Variants in PCDHB11 observed in about 807,000 individuals in gnomAD.
PCDHB11 encodes protocadherin beta 11.
For synonymous variants in PCDHB11, 522 were observed against 442.0 expected (o/e 1.18, Z -2.27); for missense variants, 1,151 against 1,003.4 (o/e 1.15, Z -1.99).
rs782211227 is a variant in PCDHB11, at chr5:141,201,619, C to G, written c.1845C>G (p.Phe615Leu). The G allele has an allele frequency of 3.1e-6, 5 of 1,607,894 alleles. No individual in the cohort carries two copies. In the South Asian group the frequency reaches 3.3e-5, roughly 11 times the overall value. Reference protein sequence around the residue: ...QLLKATEPGLFGVWAHNGEVR... With the variant: ...QLLKATEPGLLGVWAHNGEVR... ...TCAAGGCCACGGAGCCCGGGCTATT[C>G]GGCGTGTGGGCGCACAATGGCGAGG... The change falls in exon 1 of 1, where the codon TTC becomes TTG. Residue 615 changes from phenylalanine (F) to leucine (L), a missense_variant. Transcript: ENST00000354757.
rs1754245458 is a variant in PCDHB11, at chr5:141,203,134, C to T, written c.*966C>T. On this transcript the variant is annotated 3_prime_UTR_variant, in exon 1 of 1. Coordinates refer to ENST00000354757, the MANE Select transcript of PCDHB11 (RefSeq NM_018931.3). ...TGAGACGATGTTTCACTCTTGTCGC[C>T]CAGGCTGGTGTGCAATGGCGTGATC... is the stretch of plus-strand genomic sequence containing the variant. 1 of 152,046 alleles carries T rather than the reference C, an allele frequency of 6.6e-6. No homozygotes were observed. Among genetic ancestry groups the T allele is most frequent in the Non-Finnish European group, 1.5e-5 (1 of 68,028 alleles). 9.4% of individuals were successfully genotyped at this position (152,046 alleles called of 1,614,324 possible). A position where few individuals can be genotyped will look rare whatever the true frequency, so the allele number is the denominator to read the frequency against.
chr5:141,201,450 C>T lies in PCDHB11; in HGVS notation c.1676C>T (p.Pro559Leu), dbSNP rs1754187796. 7 of 1,611,098 alleles carry T rather than the reference C, an allele frequency of 4.3e-6. No individual in the cohort carries two copies. The South Asian group carries it at 7.7e-5, about 18-fold the overall frequency. Residue 559 changes from proline to leucine, a missense_variant, in exon 1 of 1, where the codon CCC (proline) becomes CTC (leucine). Coordinates refer to ENST00000354757, the MANE Select transcript of PCDHB11 (RefSeq NM_018931.3). ...VLVLDANDNS[P>L]FVLYPLQNGS... ...GTGCTGGACGCCAACGACAACTCGC[C>T]CTTCGTGCTGTACCCGCTGCAGAAC...
Position 141,201,083 on chromosome 5 carries a change from A to G in PCDHB11, c.1309A>G (p.Thr437Ala). ...GIPRLKTEHN[T>A]TVLVSDVNDN... ...ACCCAGGCTGAAAACCGAGCACAAC[A>G]CAACTGTGTTGGTCTCTGACGTCAA... is the stretch of plus-strand genomic sequence containing the variant. Residue 437 changes from threonine to alanine, a missense_variant, in exon 1 of 1, where the codon ACA becomes GCA. Coordinates refer to ENST00000354757, the MANE Select transcript of PCDHB11 (RefSeq NM_018931.3). 2 of 1,614,170 alleles carry G rather than the reference A, an allele frequency of 1.2e-6. No individual in the cohort carries two copies. The highest frequency in any genetic ancestry group is 1.1e-5 in the South Asian group (1 of 91,080).
Position 141,202,268 on chromosome 5 carries a change from A to C in PCDHB11, c.*100A>C. 9.1e-7 allele frequency: 1 copy of C among 1,103,904 alleles called. No homozygotes were observed. 68.4% of individuals were successfully genotyped at this position (1,103,904 alleles called of 1,614,324 possible). A position where few individuals can be genotyped will look rare whatever the true frequency, so the allele number is the denominator to read the frequency against. On this transcript the variant is annotated 3_prime_UTR_variant, in exon 1 of 1. Transcript: ENST00000354757. ...AGTTACGTTATTATGCAATACGACT[A>C]ATTGTATTTTTAATTTTTTCTTTTC... is the stretch of plus-strand genomic sequence containing the variant.
Position 141,201,407 on chromosome 5 carries a change from G to A in PCDHB11, c.1633G>A (p.Ala545Thr), listed in dbSNP as rs148710562. ...DRGSPALSSEALVRVLVLDAN... is the reference protein window; with the variant it reads ...DRGSPALSSETLVRVLVLDAN... ...CGGCTCCCCGGCTTTGAGCAGCGAG[G>A]CGCTGGTGCGCGTGCTGGTGCTGGA... The change falls in exon 1 of 1, where the codon GCG (alanine) becomes ACG (threonine). Residue 545 changes from alanine to threonine, a missense_variant. Transcript: ENST00000354757. 4.2e-5 allele frequency: 67 copies of A among 1,611,876 alleles called. No homozygotes were observed. The highest frequency in any genetic ancestry group is 4.0e-4 in the African/African-American group (30 of 74,882).
chr5:141,200,628 CAG>C lies in PCDHB11; in HGVS notation c.856_857del (p.Glu286ArgfsTer7). On this transcript the variant is annotated frameshift_variant, in exon 1 of 1. Coordinates refer to ENST00000354757, the MANE Select transcript of PCDHB11 (RefSeq NM_018931.3). LOFTEE classifies it low-confidence loss of function (END_TRUNC). Reference sequence around the variant, plus strand: ...ATATGCTATACCTTTTCCCATGCCTCAGAAGATATTCGCAAGACATTTGAAAT... The same window carrying C: ...ATATGCTATACCTTTTCCCATGCCTCAAGATATTCGCAAGACATTTGAAAT... 2 of 1,614,156 alleles carry C rather than the reference CAG, an allele frequency of 1.2e-6. No homozygotes were observed. The highest frequency in any genetic ancestry group is 1.7e-6 in the Non-Finnish European group (2 of 1,180,042).
chr5:141,201,667 C>A lies in PCDHB11; in HGVS notation c.1893C>A (p.Ser631Arg), dbSNP rs552981865. 1.2e-6 allele frequency: 2 copies of A among 1,605,576 alleles called. No individual in the cohort carries two copies. The highest frequency in any genetic ancestry group is 2.7e-5 in the African/African-American group (2 of 74,828). Residue 631 changes from serine (S) to arginine (R), a missense_variant, in exon 1 of 1, where the codon AGC becomes AGA. By Grantham distance (110) the Ser-to-Arg change is moderately radical (BLOSUM62 -1). Coordinates refer to ENST00000354757, the MANE Select transcript of PCDHB11 (RefSeq NM_018931.3). Reference protein sequence around the residue: ...NGEVRTARLLSERDAAKHRLV... With the variant: ...NGEVRTARLLRERDAAKHRLV... ...AGGTGCGCACCGCCAGGCTGCTGAGCGAGCGCGACGCGGCCAAGCACAGGC... is the reference window on the plus strand; with the variant it reads ...AGGTGCGCACCGCCAGGCTGCTGAGAGAGCGCGACGCGGCCAAGCACAGGC...
Position 141,200,745 on chromosome 5 carries a change from G to C in PCDHB11, c.971G>C (p.Gly324Ala), listed in dbSNP as rs1437510581. Residue 324 changes from glycine to alanine, a missense_variant, in exon 1 of 1, where the codon GGG becomes GCG. Transcript: ENST00000354757. ...SYSIIIQATD[G>A]GGLFGKSTVI... is the part of the protein sequence containing the mutation. The stretch of plus-strand genomic sequence containing the variant: ...TCAATAATCATTCAAGCCACAGATG[G>C]GGGAGGACTTTTTGGAAAATCTACA... 1.5e-5 allele frequency: 24 copies of C among 1,614,124 alleles called. No homozygotes were observed. Among genetic ancestry groups the C allele is most frequent in the Non-Finnish European group, 1.7e-5 (20 of 1,180,040 alleles).
rs927302532 is a variant in PCDHB11, at chr5:141,203,751, G to T, written c.*1583G>T. On this transcript the variant is annotated 3_prime_UTR_variant, in exon 1 of 1. Transcript: ENST00000354757. Reference sequence around the variant, plus strand: ...TAATCCAAACAAAATGTAATAAACTGCATGAAAATAAATAGGAATATTAAA... The same window carrying T: ...TAATCCAAACAAAATGTAATAAACTTCATGAAAATAAATAGGAATATTAAA... The T allele has an allele frequency of 6.6e-6, 1 of 152,054 alleles. No individual in the cohort carries two copies. Among genetic ancestry groups the T allele is most frequent in the Non-Finnish European group, 1.5e-5 (1 of 68,014 alleles). The allele number at this position is 152,054 out of a possible 1,614,324, so 9.4% of individuals were successfully genotyped here.
rs782701467 is a variant in PCDHB11 at position 141,202,003 on chromosome 5, G to C, written c.2229G>C (p.Gly743=). ...ATCTGGTGGACGTGAGCGGCACCGG[G>C]ACCCTTTCCCAGAGCTACCAGTACG... ...PGHLVDVSGT[G]TLSQSYQYEV... The change falls in exon 1 of 1, where the codon GGG becomes GGC. Residue 743 remains glycine, a synonymous_variant. Transcript: ENST00000354757. 1.2e-6 allele frequency: 2 copies of C among 1,614,190 alleles called. No individual in the cohort carries two copies. Among genetic ancestry groups the C allele is most frequent in the Non-Finnish European group, 1.7e-6 (2 of 1,180,024 alleles).
At position 141,200,730 on chromosome 5, in the gene PCDHB11, T is replaced by C. The variant is rs1554285376; in HGVS notation, c.956T>C (p.Ile319Thr). Reference sequence around the variant, plus strand: ...ACGATTGAGTCATACTCAATAATCATTCAAGCCACAGATGGGGGAGGACTT... The same window carrying C: ...ACGATTGAGTCATACTCAATAATCACTCAAGCCACAGATGGGGGAGGACTT... ...FETIESYSII[I>T]QATDGGGLFG... Residue 319 changes from isoleucine (I) to threonine (T), a missense_variant, in exon 1 of 1, where the codon ATT (isoleucine) becomes ACT (threonine). Transcript: ENST00000354757. The C allele has an allele frequency of 9.9e-6, 16 of 1,613,816 alleles. No individual in the cohort carries two copies. The highest frequency in any genetic ancestry group is 1.4e-5 in the Non-Finnish European group (16 of 1,180,044).
rs116096255 is a variant in PCDHB11 at position 141,202,297 on chromosome 5, C to T, written c.*129C>T. On this transcript the variant is annotated 3_prime_UTR_variant, in exon 1 of 1. Transcript: ENST00000354757. The stretch of plus-strand genomic sequence containing the variant: ...GTATTTTTAATTTTTTCTTTTCTCC[C>T]CCAATTTTTTTTTTTTTTTTGAGAC... The T allele has an allele frequency of 0.012, 11,826 of 979,112 alleles. 139 individuals are homozygous for T. The highest frequency in any genetic ancestry group is 0.026 in the African/African-American group (1,475 of 56,272). The allele number at this position is 979,112 out of a possible 1,614,324, so 60.7% of individuals were successfully genotyped here. A position where few individuals can be genotyped will look rare whatever the true frequency, so the allele number is the denominator to read the frequency against.
chr5:141,201,249 C>G lies in PCDHB11; in HGVS notation c.1475C>G (p.Pro492Arg), dbSNP rs1554285534. The change falls in exon 1 of 1, where the codon CCG becomes CGG. Residue 492 changes from proline (P) to arginine (R), a missense_variant. Transcript: ENST00000354757. Reference sequence around the variant, plus strand: ...GCCCAGGTCAACTACTCGCTACTCCCGCCCCAGGACCTGCACCTGCCCCTC... The same window carrying G: ...GCCCAGGTCAACTACTCGCTACTCCGGCCCCAGGACCTGCACCTGCCCCTC... ...TNAQVNYSLLPPQDLHLPLAS... is the reference protein window; with the variant it reads ...TNAQVNYSLLRPQDLHLPLAS... The G allele has an allele frequency of 1.9e-6, 3 of 1,613,218 alleles. No individual in the cohort carries two copies. Among genetic ancestry groups the G allele is most frequent in the Non-Finnish European group, 2.5e-6 (3 of 1,180,052 alleles).
chr5:141,201,513 C>T lies in PCDHB11; in HGVS notation c.1739C>T (p.Ala580Val). ...TGCACCGAGCTGGTGCCCCGGGCGG[C>T]CGAGCCGGGCTACCTGGTGACCAAG... ...APCTELVPRAAEPGYLVTKVV... is the reference protein window; with the variant it reads ...APCTELVPRAVEPGYLVTKVV... The change falls in exon 1 of 1, where the codon GCC (alanine) becomes GTC (valine). Residue 580 changes from alanine to valine, a missense_variant. Ala to Val is a moderately conservative substitution (Grantham distance 64). Transcript: ENST00000354757. The T allele has an allele frequency of 6.2e-7, 1 of 1,608,696 alleles. No homozygotes were observed. Among genetic ancestry groups the T allele is most frequent in the Non-Finnish European group, 8.5e-7 (1 of 1,178,810 alleles).
Position 141,200,336 on chromosome 5 carries a change from A to C in PCDHB11, c.562A>C (p.Asn188His), listed in dbSNP as rs368527508. 1 of 1,614,026 alleles carries C rather than the reference A, an allele frequency of 6.2e-7. No individual in the cohort carries two copies. Among genetic ancestry groups the C allele is most frequent in the Non-Finnish European group, 8.5e-7 (1 of 1,180,026 alleles). Reference protein sequence around the residue: ...FHIKMRVIPDNRKYPELVLDK... With the variant: ...FHIKMRVIPDHRKYPELVLDK... ...CATTAAAATGAGAGTCATTCCAGAC[A>C]ATAGGAAATACCCCGAGTTAGTTCT... is the stretch of plus-strand genomic sequence containing the variant. The change falls in exon 1 of 1, where the codon AAT becomes CAT. Residue 188 changes from asparagine (N) to histidine (H), a missense_variant. Asn to His is a moderately conservative substitution (Grantham distance 68). Transcript: ENST00000354757.
In PCDHB11 at chr5:141,202,270, T is replaced by C. The variant is rs975383194; in HGVS notation, c.*102T>C. ...TTACGTTATTATGCAATACGACTAA[T>C]TGTATTTTTAATTTTTTCTTTTCTC... is the stretch of plus-strand genomic sequence containing the variant. On this transcript the variant is annotated 3_prime_UTR_variant, in exon 1 of 1. Transcript: ENST00000354757. 3.6e-6 allele frequency: 4 copies of C among 1,117,766 alleles called. No individual in the cohort carries two copies. The African/African-American group carries it at 4.8e-5, about 13-fold the overall frequency. The allele number at this position is 1,117,766 out of a possible 1,614,324, so 69.2% of individuals were successfully genotyped here.
chr5:141,200,811 A>C lies in PCDHB11; in HGVS notation c.1037A>C (p.Glu346Ala), dbSNP rs1334838565. ...HVIDVNDNAP[E>A]ITVSSITSPI... is the part of the protein sequence containing the mutation. ...ATAGATGTAAATGACAATGCTCCTG[A>C]AATCACTGTGTCATCAATTACCAGT... Residue 346 changes from glutamate (E) to alanine (A), a missense_variant, in exon 1 of 1, where the codon GAA becomes GCA. Physicochemically the swap from Glu to Ala is moderately radical, Grantham distance 107. Coordinates refer to ENST00000354757, the MANE Select transcript of PCDHB11 (RefSeq NM_018931.3). 7.4e-6 allele frequency: 12 copies of C among 1,614,110 alleles called. No homozygotes were observed. Among genetic ancestry groups the C allele is most frequent in the Non-Finnish European group, 9.3e-6 (11 of 1,180,042 alleles).
Position 141,201,854 on chromosome 5 carries a change from T to C in PCDHB11, c.2080T>C (p.Leu694=). The part of the protein sequence containing the change: ...DSLTVYLVVA[L]ASVSSLFLFS... Reference sequence around the variant, plus strand: ...GCTCACCGTCTACTTGGTGGTGGCGTTGGCCTCGGTGTCTTCGCTCTTCCT... The same window carrying C: ...GCTCACCGTCTACTTGGTGGTGGCGCTGGCCTCGGTGTCTTCGCTCTTCCT... The change falls in exon 1 of 1, where the codon TTG becomes CTG. Residue 694 remains leucine, a synonymous_variant. Coordinates refer to ENST00000354757, the MANE Select transcript of PCDHB11 (RefSeq NM_018931.3). The C allele has an allele frequency of 1.2e-6, 2 of 1,610,908 alleles. No homozygotes were observed. Among genetic ancestry groups the C allele is most frequent in the East Asian group, 2.2e-5 (1 of 44,808 alleles).
Position 141,201,015 on chromosome 5 carries a change from C to T in PCDHB11, c.1241C>T (p.Thr414Ile). ...ETERPLDRESTAEYNITITVT... is the reference protein window; with the variant it reads ...ETERPLDRESIAEYNITITVT... ...GAGAGACCACTGGACAGAGAGAGCA[C>T]AGCCGAGTACAATATCACCATCACC... The change falls in exon 1 of 1, where the codon ACA becomes ATA. Residue 414 changes from threonine (T) to isoleucine (I), a missense_variant. Coordinates refer to ENST00000354757, the MANE Select transcript of PCDHB11 (RefSeq NM_018931.3). 1 of 1,614,224 alleles carries T rather than the reference C, an allele frequency of 6.2e-7. No homozygotes were observed. Among genetic ancestry groups the T allele is most frequent in the South Asian group, 1.1e-5 (1 of 91,082 alleles).
Sources: allele counts gnomAD v4.1 joint callset, GRCh38; gene constraint gnomAD v4.1.1; transcripts MANE v1.5; gene names NCBI Gene and HGNC (gene_info 2026-07-23, HGNC 2026-07-21).